Variants in ZNF554 observed in about 807,000 individuals in gnomAD.
ZNF554 encodes zinc finger protein 554.
ZNF554 carries 15 observed loss-of-function variants against 21.2 expected under a neutral mutation model. That is an observed-to-expected ratio of 0.71 (90% CI 0.47 to 1.09). The LOEUF (loss-of-function observed/expected upper bound fraction) is 1.09. Ranked by LOEUF, ZNF554 falls within the 50% of genes least tolerant of loss-of-function variation. ZNF554 has a pLI of 0.00. For missense variants in ZNF554, 691 were observed against 662.7 expected, an observed-to-expected ratio of 1.04 and a Z score of -0.47; for synonymous variants, 258 against 251.4, an observed-to-expected ratio of 1.03 and a Z score of -0.25.
At chr19:2,828,927 C>T (rs2087374436) in intron 3 of ZNF554, among the ~76,000 whole-genome samples, 1 of 152,120 alleles carries the variant, frequency 6.6e-6, no homozygotes, top group African/African-American at 2.4e-5. Flanking sequence ...CCTCCCTTGA[C>T]ACGTGGGGAT....
intron 2 of ZNF554, among the ~76,000 whole-genome samples, chr19:2,824,698 T>G (rs1043624357): frequency 6.6e-6 from 1 of 152,234 alleles, no homozygotes; most frequent in African/African-American, 2.4e-5. Flanking sequence ...ATCTTAGCCG[T>G]TGATGAAACA....
chr19:2,828,361 AAGTC>A (rs1213680835), intron 3 of ZNF554, among the ~76,000 whole-genome samples: 3 of 152,310 alleles, frequency 2.0e-5, no homozygotes, highest in African/African-American at 2.4e-5. Flanking sequence ...CTTGGGAACA[AAGTC>A]AGAGTGTCTT....
intron 3 of ZNF554, chr19:2,831,129 A>G (rs1021007143): frequency 2.0e-5 from 3 of 152,010 alleles, no homozygotes; most frequent in Non-Finnish European, 4.4e-5. Context: ...GACTGTTGCA[A>G]TTTCTCCACA....
At position 2,835,043 on chromosome 19, in the gene ZNF554, G is replaced by C. The variant is rs2144829683; in HGVS notation, c.*191G>C. On this transcript the variant is annotated 3_prime_UTR_variant, in exon 5 of 5. Coordinates refer to ENST00000317243, the MANE Select transcript of ZNF554 (RefSeq NM_001102651.2). ...TTGTTGAGATGGAGTCTGCCACCCA[G>C]GCTGGAGTCCAGTGGCGTGATCATA... 1 of 584,708 alleles carries C rather than the reference G, an allele frequency of 1.7e-6. No homozygotes were observed. Among genetic ancestry groups the C allele is most frequent in the African/African-American group, 1.9e-5 (1 of 53,768 alleles). 36.2% of individuals were successfully genotyped at this position (584,708 alleles called of 1,614,324 possible). A position where few individuals can be genotyped will look rare whatever the true frequency, so the allele number is the denominator to read the frequency against.
intron 2 of ZNF554, among the ~76,000 whole-genome samples, chr19:2,826,908 C>T (rs762026434): frequency 6.6e-6 from 1 of 152,004 alleles, no homozygotes; most frequent in Non-Finnish European, 1.5e-5. Context: ...GTGATCCACC[C>T]GCCTCGGCCT....
chr19:2,829,848 C>T (rs2087389289), intron 3 of ZNF554, among the ~76,000 whole-genome samples: 1 of 152,200 alleles, frequency 6.6e-6, no homozygotes, highest in Admixed American at 6.5e-5. Context: ...TAAATTCTCC[C>T]TCCCCAGCCC....
intron 3 of ZNF554, chr19:2,831,984 G>T: frequency 5.5e-6 from 1 of 181,342 alleles, no homozygotes; most frequent in Non-Finnish European, 1.2e-5. Flanking sequence ...GGAGTGCAAT[G>T]CCACGACCTC....
intron 2 of ZNF554, among the ~76,000 whole-genome samples, chr19:2,825,388 C>G (rs1433126612): frequency 6.6e-6 from 1 of 152,126 alleles, no homozygotes; most frequent in Non-Finnish European, 1.5e-5. Flanking sequence ...TCAGCTCACG[C>G]TGAGATCCCA....
chr19:2,820,145 C>T lies in ZNF554; in HGVS notation c.53+21C>T, dbSNP rs1000448791. ...CAGCCGTAAGTGCCGCCGCCTCCCG[C>T]GCCGCGACCTCCGTGCCGGGCCTGC... is the stretch of plus-strand genomic sequence containing the variant. On this transcript the variant is annotated intron_variant, in intron 1 of 4. Coordinates refer to ENST00000317243, the MANE Select transcript of ZNF554 (RefSeq NM_001102651.2). The T allele has an allele frequency of 2.3e-5, 28 of 1,218,838 alleles. No homozygotes were observed. In the African/African-American group the frequency reaches 3.5e-4, roughly 15 times the overall value. The allele number at this position is 1,218,838 out of a possible 1,614,324, so 75.5% of individuals were successfully genotyped here. A position where few individuals can be genotyped will look rare whatever the true frequency, so the allele number is the denominator to read the frequency against.
At position 2,834,307 on chromosome 19, in the gene ZNF554, G is replaced by T; in HGVS notation, c.1072G>T (p.Gly358Trp). The change falls in exon 5 of 5, where the codon GGG (glycine) becomes TGG (tryptophan). Residue 358 changes from glycine to tryptophan, a missense_variant. Transcript: ENST00000317243. ...GAAACCCTACGAGTGTCAGGAGTGT[G>T]GGCGAGCCTTTACGCACAGCTCCAC... ...GEKPYECQEC[G>W]RAFTHSSTLT... 6.2e-7 allele frequency: 1 copy of T among 1,614,072 alleles called. No individual in the cohort carries two copies. Among genetic ancestry groups the T allele is most frequent in the East Asian group, 2.2e-5 (1 of 44,886 alleles).
At position 2,834,381 on chromosome 19, in the gene ZNF554, C is replaced by T. The variant is rs202167387; in HGVS notation, c.1146C>T (p.Cys382=). The part of the protein sequence containing the change: ...RTHTGEKPYG[C]GECGKAFNRI... ...ATACTGGAGAGAAGCCCTACGGGTG[C>T]GGTGAGTGCGGGAAAGCCTTCAACA... The change falls in exon 5 of 5, where the codon TGC becomes TGT. Residue 382 remains cysteine, a synonymous_variant. Coordinates refer to ENST00000317243, the MANE Select transcript of ZNF554 (RefSeq NM_001102651.2). 56 of 1,613,810 alleles carry T rather than the reference C, an allele frequency of 3.5e-5. 1 individual carries two copies. The highest frequency in any genetic ancestry group is 2.9e-4 in the African/African-American group (22 of 74,960).
At position 2,820,061 on chromosome 19, in the gene ZNF554, C is replaced by T. The variant is rs921144254; in HGVS notation, c.-11C>T. On this transcript the variant is annotated 5_prime_UTR_variant, in exon 1 of 5. Transcript: ENST00000317243. The stretch of plus-strand genomic sequence containing the variant: ...TCGGGGGCCCTGTCTGGCGCCTCAG[C>T]GCGCGCCCCGATGGTCACCTGCGCC... 6 of 1,207,712 alleles carry T rather than the reference C, an allele frequency of 5.0e-6. No individual in the cohort carries two copies. In the African/African-American group the frequency reaches 7.9e-5, roughly 16 times the overall value. 74.8% of individuals were successfully genotyped at this position (1,207,712 alleles called of 1,614,324 possible).
Position 2,836,577 on chromosome 19 carries a change from G to A in ZNF554, c.*1725G>A, listed in dbSNP as rs564795372. ...AAAAGGACAAAGGCTGGACAGAGACGTGAAGAAATGAATCATTTACGCAAT... is the reference window on the plus strand; with the variant it reads ...AAAAGGACAAAGGCTGGACAGAGACATGAAGAAATGAATCATTTACGCAAT... On this transcript the variant is annotated 3_prime_UTR_variant, in exon 5 of 5. Coordinates refer to ENST00000317243, the MANE Select transcript of ZNF554 (RefSeq NM_001102651.2). 6.3e-4 allele frequency among the ~76,000 whole-genome samples: 96 copies of A among 152,338 alleles called. No homozygotes were observed. The highest frequency in any genetic ancestry group is 1.5e-3 in the African/African-American group (63 of 41,560).
At position 2,821,480 on chromosome 19, in the gene ZNF554, G is replaced by A. The variant is rs1041386585; in HGVS notation, c.53+1356G>A. Among the ~76,000 whole-genome samples the A allele has an allele frequency of 2.0e-5, 3 of 151,842 alleles. No individual in the cohort carries two copies. Among genetic ancestry groups the A allele is most frequent in the Non-Finnish European group, 2.9e-5 (2 of 68,016 alleles). ...TCTCTCACAAGTCTGGAGGCCAGAA[G>A]CCCAACATGAAGATGTGGTGGGGCC... On this transcript the variant is annotated intron_variant, in intron 1 of 4. Transcript: ENST00000317243. The surrounding 1 kb of genome is among the most constrained non-coding windows in gnomAD (Gnocchi z 8.2).
At position 2,836,343 on chromosome 19, in the gene ZNF554, C is replaced by T. The variant is rs188648699; in HGVS notation, c.*1491C>T. 1.0e-3 allele frequency among the ~76,000 whole-genome samples: 156 copies of T among 152,058 alleles called. No homozygotes were observed. Among genetic ancestry groups the T allele is most frequent in the African/African-American group, 3.6e-3 (150 of 41,458 alleles). ...TGCTGGGATTATGGGTGCGAGCCGC[C>T]GTGCTGGGATTACAGGTGTGAACCA... On this transcript the variant is annotated 3_prime_UTR_variant, in exon 5 of 5. Coordinates refer to ENST00000317243, the MANE Select transcript of ZNF554 (RefSeq NM_001102651.2).
In ZNF554 at chr19:2,833,788, G is replaced by A; in HGVS notation, c.553G>A (p.Gly185Arg). 6.2e-7 allele frequency: 1 copy of A among 1,610,174 alleles called. No homozygotes were observed. Among genetic ancestry groups the A allele is most frequent in the South Asian group, 1.1e-5 (1 of 90,788 alleles). Reference protein sequence around the residue: ...NMIKLIREDGGWKQLEDSHED... With the variant: ...NMIKLIREDGRWKQLEDSHED... ...GATAAAGCTTATCAGAGAAGATGGG[G>A]GATGGAAGCAGTTAGAGGACAGCCA... Residue 185 changes from glycine to arginine, a missense_variant, in exon 5 of 5, where the codon GGA (glycine) becomes AGA (arginine). Gly to Arg is a moderately radical substitution (Grantham distance 125). Transcript: ENST00000317243.
chr19:2,820,106 G>T lies in ZNF554; in HGVS notation c.35G>T (p.Arg12Leu), dbSNP rs1490446912. 1 of 1,218,692 alleles carries T rather than the reference G, an allele frequency of 8.2e-7. No homozygotes were observed. The highest frequency in any genetic ancestry group is 1.0e-6 in the Non-Finnish European group (1 of 979,144). The allele number at this position is 1,218,692 out of a possible 1,614,324, so 75.5% of individuals were successfully genotyped here. Residue 12 changes from arginine to leucine, a missense_variant, in exon 1 of 5, where the codon CGG becomes CTG. Physicochemically the swap from Arg to Leu is moderately radical, Grantham distance 102. Coordinates refer to ENST00000317243, the MANE Select transcript of ZNF554 (RefSeq NM_001102651.2). ...VTCAHLGRRA[R>L]LPAAQPSACP... ...TGCGCCCACCTGGGCCGGCGCGCGCGGCTCCCGGCAGCTCAGCCGTAAGTG... is the reference window on the plus strand; with the variant it reads ...TGCGCCCACCTGGGCCGGCGCGCGCTGCTCCCGGCAGCTCAGCCGTAAGTG...
At position 2,833,982 on chromosome 19, in the gene ZNF554, A is replaced by G. The variant is rs952167266; in HGVS notation, c.747A>G (p.Leu249=). The change falls in exon 5 of 5, where the codon TTA becomes TTG. Residue 249 remains leucine (L), a synonymous_variant. Transcript: ENST00000317243. The stretch of plus-strand genomic sequence containing the variant: ...GGAACCACTTGTGTGGCAGCGAGTT[A>G]GATATTACAAGCTTGGCATCCGATT... ...SKGNHLCGSE[L]DITSLASDSV... 6.2e-7 allele frequency: 1 copy of G among 1,614,058 alleles called. No individual in the cohort carries two copies. The highest frequency in any genetic ancestry group is 8.5e-7 in the Non-Finnish European group (1 of 1,180,058).
At position 2,825,438 on chromosome 19, in the gene ZNF554, A is replaced by C. The variant is rs529837357; in HGVS notation, c.127-2179A>C. ...GCGATTCTCCTGCCTCAGCCTCCCA[A>C]GTAGCTGAGATTACGGCACTCGCCA... On this transcript the variant is annotated intron_variant, in intron 2 of 4. Transcript: ENST00000317243. Among the ~76,000 whole-genome samples, 203 of 151,852 alleles carry C rather than the reference A, an allele frequency of 1.3e-3. 1 individual carries two copies. The highest frequency in any genetic ancestry group is 1.2e-3 in the Non-Finnish European group (79 of 67,980).
Sources: gnomAD v4.1 joint callset for allele counts (sites outside exome capture counted in the v4.1 genomes callset) on GRCh38, gnomAD v4.1.1 for gene constraint, Gnocchi (gnomAD v3.1) non-coding constraint, MANE v1.5 for transcripts, NCBI Gene and HGNC (gene_info 2026-07-23, HGNC 2026-07-21) for gene names.